The following RAB38 variants were observed in gnomAD, a reference collection of about 807,000 sequenced individuals.
The protein encoded by RAB38 is RAB38, member RAS oncogene family.
In RAB38, 15 loss-of-function variants were observed where a neutral mutation model predicts 18.4. That is an observed-to-expected ratio of 0.82 (90% confidence interval 0.55 to 1.26). The LOEUF (loss-of-function observed/expected upper bound fraction) is 1.26. Among genes scored for constraint, RAB38 ranks in the 50% most tolerant of loss-of-function variants. RAB38 has a pLI of 0.00. For synonymous variants in RAB38, 101 were observed against 104.4 expected (o/e 0.97, Z 0.20); for missense variants, 294 against 267.4 (o/e 1.10, Z -0.69).
chr11:88,084,122 G>GA, the RAB38 span, among the ~76,000 whole-genome samples: 1 of 151,856 alleles, frequency 6.6e-6, no homozygotes, highest in Non-Finnish European at 1.5e-5. Context: ...ATACGGCAAT[G>GA]AATTGGATGG....
chr11:87,827,720 C>G, the RAB38 span, among the ~76,000 whole-genome samples: 1 of 152,152 alleles, frequency 6.6e-6, no homozygotes, highest in African/African-American at 2.4e-5. Context: ...ATCAGTTCAC[C>G]TGGAGACCAG....
the RAB38 span, among the ~76,000 whole-genome samples, chr11:88,068,575 T>C: frequency 6.6e-6 from 1 of 152,180 alleles, no homozygotes; most frequent in Non-Finnish European, 1.5e-5. Flanking sequence ...CCAAATACCA[T>C]GGCACTTTTT....
the RAB38 span, among the ~76,000 whole-genome samples, chr11:88,012,056 C>T: frequency 6.6e-6 from 1 of 152,084 alleles, no homozygotes; most frequent in African/African-American, 2.4e-5. Context: ...CAGGAGATTC[C>T]CACCTTAATC....
the RAB38 span, among the ~76,000 whole-genome samples, chr11:88,030,086 C>T: frequency 1.3e-5 from 2 of 152,008 alleles, no homozygotes; most frequent in Non-Finnish European, 2.9e-5. Context: ...CACTCAAAAC[C>T]ACTCAACTAC....
At chr11:88,116,196 G>A (rs1011855492) in intron 2 of RAB38, among the ~76,000 whole-genome samples, 54 of 152,174 alleles carry the variant, frequency 3.5e-4, no homozygotes, top group African/African-American at 1.1e-3. Context: ...ACTTTGTTCC[G>A]GAGCCCTGCC....
the RAB38 span, among the ~76,000 whole-genome samples, chr11:87,901,361 A>C: frequency 3.3e-5 from 5 of 151,478 alleles, no homozygotes; most frequent in Non-Finnish European, 7.4e-5. Context: ...TTATTCACTG[A>C]CTCCATAAAA....
chr11:87,844,661 A>G, the RAB38 span, among the ~76,000 whole-genome samples: 1 of 152,208 alleles, frequency 6.6e-6, no homozygotes, highest in African/African-American at 2.4e-5. Flanking sequence ...ACTCTTGTCA[A>G]TGAGCCTGCT....
the RAB38 span, among the ~76,000 whole-genome samples, chr11:87,857,203 T>C: frequency 0.059 from 8,933 of 152,292 alleles, 363 homozygotes; most frequent in Non-Finnish European, 0.083. Context: ...TCATCATTTT[T>C]TATGGCTGCA....
At chr11:87,965,469 A>G in the RAB38 span, among the ~76,000 whole-genome samples, 2 of 152,126 alleles carry the variant, frequency 1.3e-5, no homozygotes, top group African/African-American at 4.8e-5. Flanking sequence ...AATCATGTAC[A>G]TGTTCCCAGT....
At chr11:88,023,199 TAAGTA>T in the RAB38 span, among the ~76,000 whole-genome samples, 3 of 151,992 alleles carry the variant, frequency 2.0e-5, no homozygotes, top group East Asian at 1.9e-4. Context: ...TTTAAAAAAT[TAAGTA>T]AAGTTGTAAG....
the RAB38 span, among the ~76,000 whole-genome samples, chr11:88,066,006 T>G: frequency 1.3e-5 from 2 of 152,206 alleles, no homozygotes; most frequent in Non-Finnish European, 2.9e-5. Context: ...AACCTTAAAG[T>G]GAACCCAACT....
At chr11:88,041,989 A>T in the RAB38 span, among the ~76,000 whole-genome samples, 1 of 152,104 alleles carries the variant, frequency 6.6e-6, no homozygotes, top group Non-Finnish European at 1.5e-5. Context: ...AGACCCCAAA[A>T]ATTAAAGCTC....
chr11:87,957,484 T>C, the RAB38 span, among the ~76,000 whole-genome samples: 2 of 152,078 alleles, frequency 1.3e-5, no homozygotes, highest in African/African-American at 4.8e-5. Flanking sequence ...CTAAGTCTGA[T>C]GAAAAAAGTG....
the RAB38 span, among the ~76,000 whole-genome samples, chr11:88,066,674 T>C: frequency 2.0e-5 from 3 of 152,322 alleles, no homozygotes; most frequent in Admixed American, 1.3e-4. Flanking sequence ...AAGTGTGGGC[T>C]TGAATATATC....
chr11:87,938,380 C>G, the RAB38 span, among the ~76,000 whole-genome samples: 1 of 152,070 alleles, frequency 6.6e-6, no homozygotes, highest in Non-Finnish European at 1.5e-5. Context: ...GTGGAAGACT[C>G]ACCACTGGCT....
chr11:88,159,223 AAATAAATAAAT>A (rs1943159864), intron 1 of RAB38, among the ~76,000 whole-genome samples: 2 of 149,508 alleles, frequency 1.3e-5, no homozygotes, highest in Non-Finnish European at 1.5e-5. Flanking sequence ...ATAAATAAAT[AAATAAATAAAT>A]AAAAATAAAA....
At chr11:87,889,760 T>G in the RAB38 span, among the ~76,000 whole-genome samples, 1 of 151,176 alleles carries the variant, frequency 6.6e-6, no homozygotes, top group Non-Finnish European at 1.5e-5. Context: ...ACATCACACT[T>G]TCCTTATACA....
At chr11:87,817,354 A>G in the RAB38 span, 2 of 152,164 alleles carry the variant, frequency 1.3e-5, no homozygotes, top group African/African-American at 4.8e-5. Context: ...CAGTTAGAAG[A>G]ATCTTAAGAG....
At chr11:87,892,552 A>G in the RAB38 span, among the ~76,000 whole-genome samples, 1 of 151,808 alleles carries the variant, frequency 6.6e-6, no homozygotes, top group African/African-American at 2.4e-5. Context: ...TACTAGCAGG[A>G]TGTAGGCAGA....
Sources: gnomAD v4.1 joint callset for allele counts (sites outside exome capture counted in the v4.1 genomes callset) on GRCh38, gnomAD v4.1.1 for gene constraint, MANE v1.5 for transcripts, NCBI Gene and HGNC (gene_info 2026-07-23, HGNC 2026-07-21) for gene names.